Variants in SPMAP2L observed in about 807,000 individuals in gnomAD.
SPMAP2L encodes sperm microtubule associated protein 2-like.
the SPMAP2L span, among the ~76,000 whole-genome samples, chr4:56,579,926 C>T: frequency 3.3e-5 from 5 of 152,150 alleles, no homozygotes; most frequent in African/African-American, 9.6e-5. Flanking sequence ...ACAAGTGAAG[C>T]GATTGAATTA....
chr4:56,594,711 T>G, the SPMAP2L span: 1 of 1,411,170 alleles, frequency 7.1e-7, no homozygotes, highest in Non-Finnish European at 1.0e-6. Flanking sequence ...AAGGCCATGG[T>G]GGATAAGCAC....
chr4:56,592,188 G>T, the SPMAP2L span, among the ~76,000 whole-genome samples: 24 of 152,172 alleles, frequency 1.6e-4, no homozygotes, highest in African/African-American at 5.3e-4. Flanking sequence ...CTCCTTATGA[G>T]AATTTAATGC....
the SPMAP2L span, among the ~76,000 whole-genome samples, chr4:56,609,527 A>G: frequency 6.6e-6 from 1 of 152,192 alleles, no homozygotes; most frequent in Non-Finnish European, 1.5e-5. Context: ...AATGAAAAGA[A>G]TGTATTTTGT....
chr4:56,559,461 C>A, the SPMAP2L span: 10 of 1,532,504 alleles, frequency 6.5e-6, no homozygotes, highest in Non-Finnish European at 7.9e-6. Flanking sequence ...CTCAGCTGAC[C>A]AAAAGACTTG....
the SPMAP2L span, among the ~76,000 whole-genome samples, chr4:56,553,137 T>G: frequency 7.8e-3 from 1,185 of 151,580 alleles, 17 homozygotes; most frequent in African/African-American, 0.027. Flanking sequence ...TTTTCTTCTT[T>G]GGCTCCTGAG....
the SPMAP2L span, among the ~76,000 whole-genome samples, chr4:56,566,370 T>C: frequency 2.0e-5 from 3 of 152,002 alleles, no homozygotes; most frequent in Non-Finnish European, 4.4e-5. Flanking sequence ...GGCTAATTTT[T>C]GTATTTTTAG....
the SPMAP2L span, among the ~76,000 whole-genome samples, chr4:56,544,097 T>C: frequency 6.6e-6 from 1 of 152,034 alleles, no homozygotes; most frequent in Non-Finnish European, 1.5e-5. Context: ...CAAGTGATTC[T>C]CGTGCCTCAG....
chr4:56,595,276 G>A, the SPMAP2L span: 1 of 1,612,782 alleles, frequency 6.2e-7, no homozygotes, highest in Non-Finnish European at 8.5e-7. Context: ...CAAAAAGTCT[G>A]CAAATATTGA....
At chr4:56,619,697 A>G in the SPMAP2L span, among the ~76,000 whole-genome samples, 1 of 152,236 alleles carries the variant, frequency 6.6e-6, no homozygotes, top group African/African-American at 2.4e-5. Flanking sequence ...AAGCATAGGC[A>G]ACAAAACTAA....
the SPMAP2L span, among the ~76,000 whole-genome samples, chr4:56,532,194 C>G: frequency 1.3e-5 from 2 of 151,616 alleles, no homozygotes; most frequent in Non-Finnish European, 2.9e-5. Context: ...TTACTCTCCT[C>G]TAAACTTCAC....
the SPMAP2L span, chr4:56,593,105 A>G: frequency 6.3e-7 from 1 of 1,578,322 alleles, no homozygotes. Flanking sequence ...GATTTTGCGG[A>G]ACTTACTGGA....
chr4:56,620,386 GTT>G, the SPMAP2L span, among the ~76,000 whole-genome samples: 321 of 141,936 alleles, frequency 2.3e-3, 3 homozygotes, highest in African/African-American at 6.8e-3. Flanking sequence ...TAGCCTTCTA[GTT>G]TTTTTTTTTT....
At chr4:56,580,340 T>C in the SPMAP2L span, among the ~76,000 whole-genome samples, 1 of 151,786 alleles carries the variant, frequency 6.6e-6, no homozygotes, top group African/African-American at 2.4e-5. Context: ...ATCAAAGCAA[T>C]ACACTAAATT....
At chr4:56,584,540 G>T in the SPMAP2L span, 11 of 1,535,184 alleles carry the variant, frequency 7.2e-6, no homozygotes, top group Non-Finnish European at 9.6e-6. Context: ...TCGAATCTCT[G>T]ATCCTTCTCC....
At chr4:56,578,579 C>T in the SPMAP2L span, among the ~76,000 whole-genome samples, 278 of 152,114 alleles carry the variant, frequency 1.8e-3, no homozygotes, top group African/African-American at 6.2e-3. Flanking sequence ...AAAATTCACT[C>T]AACTATATGC....
the SPMAP2L span, among the ~76,000 whole-genome samples, chr4:56,621,517 G>A: frequency 6.6e-6 from 1 of 152,168 alleles, no homozygotes; most frequent in African/African-American, 2.4e-5. Flanking sequence ...ATCATAGCAA[G>A]CATAAGGTAA....
chr4:56,593,542 C>T, the SPMAP2L span: 1 of 1,599,646 alleles, frequency 6.3e-7, no homozygotes, highest in Non-Finnish European at 8.6e-7. Flanking sequence ...GTGCTACTGA[C>T]CTTTTAGCTT....
the SPMAP2L span, among the ~76,000 whole-genome samples, chr4:56,574,135 G>T: frequency 6.6e-6 from 1 of 152,132 alleles, no homozygotes; most frequent in East Asian, 1.9e-4. Flanking sequence ...GAAGAACAAT[G>T]GTGGCTGGGT....
the SPMAP2L span, among the ~76,000 whole-genome samples, chr4:56,624,156 A>G: frequency 6.6e-6 from 1 of 152,228 alleles, no homozygotes; most frequent in Admixed American, 6.5e-5. Flanking sequence ...GTTATGTTTT[A>G]GCAAAGAGAC....
Sources: allele counts gnomAD v4.1 joint callset (sites outside exome capture counted in the v4.1 genomes callset), GRCh38; gene constraint gnomAD v4.1.1; transcripts MANE v1.5; gene names NCBI Gene and HGNC (gene_info 2026-07-23, HGNC 2026-07-21).